Variants in FREM3 observed in about 807,000 individuals in gnomAD.
FREM3 encodes the protein FRAS1-related extracellular matrix protein 3.
In FREM3, 105 loss-of-function variants were observed where a neutral mutation model predicts 129.1. The ratio of observed to expected loss-of-function variants is 0.81; its 90% CI spans 0.69 to 0.96. The LOEUF (loss-of-function observed/expected upper bound fraction) is 0.96. Among genes scored for constraint, FREM3 ranks in the 40% least tolerant of loss-of-function variants. FREM3 has a pLI of 0.00. For synonymous variants in FREM3, 1,014 were observed against 1,044.9 expected (o/e 0.97, Z 0.57); for missense variants, 2,593 against 2,666.3 (o/e 0.97, Z 0.61).
At chr4:143,581,644 C>G (rs982370145) in intron 7 of FREM3, among the ~76,000 whole-genome samples, 4 of 152,102 alleles carry the variant, frequency 2.6e-5, no homozygotes, top group African/African-American at 9.7e-5. Context: ...AGTCTGAGGG[C>G]TTTACTCACA....
Position 143,697,612 on chromosome 4 carries a change from T to G in FREM3, c.3064A>C (p.Thr1022Pro). 1 of 1,537,760 alleles carries G rather than the reference T, an allele frequency of 6.5e-7. No individual in the cohort carries two copies. The change falls in exon 1 of 8, where the codon ACT (threonine) becomes CCT (proline). Residue 1022 changes from threonine (T) to proline (P), a missense_variant. Thr to Pro is a conservative substitution (Grantham distance 38). Transcript: ENST00000329798. ...TTTTGAAAACCAACTTCACCTGCAGTGTGGGCATAGGCTACTCTCCCATTG... is the reference window on the plus strand; with the variant it reads ...TTTTGAAAACCAACTTCACCTGCAGGGTGGGCATAGGCTACTCTCCCATTG... ...LINGRVAYAH[T>P]AGEVGFQKQH...
chr4:143,662,170 A>T (rs1272120667), intron 2 of FREM3, among the ~76,000 whole-genome samples: 1 of 151,870 alleles, frequency 6.6e-6, no homozygotes, highest in Non-Finnish European at 1.5e-5. Flanking sequence ...TAGTTCTTTA[A>T]TTGTGATGTT....
At chr4:143,686,574 G>A (rs1429007981) in intron 2 of FREM3, among the ~76,000 whole-genome samples, 1 of 152,096 alleles carries the variant, frequency 6.6e-6, no homozygotes, top group Non-Finnish European at 1.5e-5. Flanking sequence ...CATATGATAG[G>A]CCATAAAATG....
intron 2 of FREM3, among the ~76,000 whole-genome samples, chr4:143,666,899 TA>T (rs1272240629): frequency 6.6e-6 from 1 of 152,220 alleles, no homozygotes; most frequent in African/African-American, 2.4e-5. Flanking sequence ...TACCACAATG[TA>T]AAAAAATGTA....
At chr4:143,622,221 G>T (rs1346596546) in intron 4 of FREM3, among the ~76,000 whole-genome samples, 1 of 151,446 alleles carries the variant, frequency 6.6e-6, no homozygotes, top group Non-Finnish European at 1.5e-5. Context: ...AGCCTCCTGA[G>T]TAGCTGGGAT....
intron 2 of FREM3, among the ~76,000 whole-genome samples, chr4:143,636,250 G>A (rs1224862240): frequency 6.7e-6 from 1 of 150,006 alleles, no homozygotes; most frequent in Non-Finnish European, 1.5e-5. Flanking sequence ...ACCTCATACT[G>A]GGAAATGAGA....
chr4:143,700,074 C>A lies in FREM3; in HGVS notation c.602G>T (p.Gly201Val), dbSNP rs939295324. The A allele has an allele frequency of 4.1e-5, 63 of 1,527,244 alleles. No homozygotes were observed. The highest frequency in any genetic ancestry group is 5.5e-5 in the Non-Finnish European group (63 of 1,139,354). The allele number at this position is 1,527,244 out of a possible 1,614,324, so 94.6% of individuals were successfully genotyped here. The change falls in exon 1 of 8, where the codon GGA becomes GTA. Residue 201 changes from glycine (G) to valine (V), a missense_variant. By Grantham distance (109) the Gly-to-Val change is moderately radical (BLOSUM62 -3). Coordinates refer to ENST00000329798, the MANE Select transcript of FREM3 (RefSeq NM_001168235.2). ...CCGGCACCTGCGGGTGGCCGTGGCTCCAGACTTCAGGGAGGCGAAGTCCAG... is the reference window on the plus strand; with the variant it reads ...CCGGCACCTGCGGGTGGCCGTGGCTACAGACTTCAGGGAGGCGAAGTCCAG... The part of the protein sequence containing the change: ...RVLDFASLKS[G>V]ATATRRCRLT...
In FREM3 at chr4:143,585,822, A is replaced by G; in HGVS notation, c.6178+22T>C. 1 of 1,536,362 alleles carries G rather than the reference A, an allele frequency of 6.5e-7. No homozygotes were observed. Among genetic ancestry groups the G allele is most frequent in the Non-Finnish European group, 8.7e-7 (1 of 1,146,264 alleles). ...TAAACATGTATCATGATAATGATAT[A>G]TTCTTTAAGTGGCCCTCTCACCTTC... On this transcript the variant is annotated intron_variant, in intron 7 of 7. Transcript: ENST00000329798. This position sits in a 1 kb window ranked among gnomAD's most constrained non-coding sequence, Gnocchi z 4.2.
At chr4:143,643,662 G>A (rs57875562) in intron 2 of FREM3, among the ~76,000 whole-genome samples, 6,454 of 152,042 alleles carry the variant, frequency 0.042, 367 homozygotes, top group African/African-American at 0.13. Flanking sequence ...ACTGGGGAGG[G>A]CAGTTGGGAG....
chr4:143,676,536 G>C (rs1366725411), intron 2 of FREM3, among the ~76,000 whole-genome samples: 2 of 152,104 alleles, frequency 1.3e-5, no homozygotes, highest in African/African-American at 4.8e-5. Flanking sequence ...TGGAAGTTCT[G>C]GCCAGGGCAA....
chr4:143,616,803 A>AAAAAAAAAG (rs61469134), intron 5 of FREM3, among the ~76,000 whole-genome samples: 8 of 151,220 alleles, frequency 5.3e-5, no homozygotes, highest in African/African-American at 1.9e-4. Flanking sequence ...AAAAAAAAAA[A>AAAAAAAAAG]GGAAGAAAGA....
At chr4:143,592,199 G>C (rs995834726) in intron 6 of FREM3, among the ~76,000 whole-genome samples, 16 of 152,122 alleles carry the variant, frequency 1.1e-4, no homozygotes, top group Admixed American at 9.8e-4. Context: ...TATCTAATTT[G>C]CCAGTCTGTG....
In FREM3 at chr4:143,696,640, G is replaced by T; in HGVS notation, c.4036C>A (p.Leu1346Ile). ...DSDDKSLSFVLHSGPQQGLLQ... is the reference protein window; with the variant it reads ...DSDDKSLSFVIHSGPQQGLLQ... ...AGCCCTTGTTGAGGCCCAGAATGGA[G>T]GACAAAACTGAGGCTTTTATCATCT... is the stretch of plus-strand genomic sequence containing the variant. The change falls in exon 1 of 8, where the codon CTC (leucine) becomes ATC (isoleucine). Residue 1346 changes from leucine to isoleucine, a missense_variant. This residue lies in a region of FREM3 where 2,276 missense variants were observed against 2,267.2 expected (regional missense o/e 1.00). Coordinates refer to ENST00000329798, the MANE Select transcript of FREM3 (RefSeq NM_001168235.2). 2.6e-6 allele frequency: 4 copies of T among 1,537,818 alleles called. No homozygotes were observed. The highest frequency in any genetic ancestry group is 3.5e-6 in the Non-Finnish European group (4 of 1,147,044).
rs1301386828 is a variant in FREM3 at position 143,659,200 on chromosome 4, G to A, written c.5276-31440C>T. Among the ~76,000 whole-genome samples, 9 of 151,244 alleles carry A rather than the reference G, an allele frequency of 6.0e-5. No individual in the cohort carries two copies. The East Asian group carries it at 9.7e-4, about 16-fold the overall frequency. On this transcript the variant is annotated intron_variant, in intron 2 of 7. Transcript: ENST00000329798. ...GCTGGTGTGCTGCACCCATTAACTCGTCATTTAGCATTAGGTATATCTCCT... is the reference window on the plus strand; with the variant it reads ...GCTGGTGTGCTGCACCCATTAACTCATCATTTAGCATTAGGTATATCTCCT...
intron 2 of FREM3, among the ~76,000 whole-genome samples, chr4:143,638,257 C>G (rs1474583321): frequency 6.6e-6 from 1 of 152,012 alleles, no homozygotes; most frequent in African/African-American, 2.4e-5. Flanking sequence ...AGTCTCAAAG[C>G]AAGACATTAG....
At chr4:143,629,534 A>G (rs974380161) in intron 2 of FREM3, among the ~76,000 whole-genome samples, 4 of 152,186 alleles carry the variant, frequency 2.6e-5, no homozygotes, top group African/African-American at 9.6e-5. Flanking sequence ...GAAAAATACA[A>G]GACAAAAGCG....
At chr4:143,664,134 G>C (rs928747642) in intron 2 of FREM3, among the ~76,000 whole-genome samples, 2 of 152,162 alleles carry the variant, frequency 1.3e-5, no homozygotes, top group African/African-American at 4.8e-5. Flanking sequence ...GTGAGGAACT[G>C]CATTCCTTTG....
intron 2 of FREM3, among the ~76,000 whole-genome samples, chr4:143,664,966 A>G (rs1232459860): frequency 6.6e-6 from 1 of 152,068 alleles, no homozygotes; most frequent in African/African-American, 2.4e-5. Flanking sequence ...GGTGGGAGTG[A>G]CCTGATTTTC....
intron 2 of FREM3, among the ~76,000 whole-genome samples, chr4:143,674,312 A>T (rs1740062731): frequency 6.6e-6 from 1 of 152,218 alleles, no homozygotes; most frequent in Non-Finnish European, 1.5e-5. Context: ...GTGGAGGAGA[A>T]ATAAAATACT....
Sources: allele counts gnomAD v4.1 joint callset (sites outside exome capture counted in the v4.1 genomes callset), GRCh38; gene constraint gnomAD v4.1.1; regional missense constraint gnomAD v4.1.1; non-coding constraint Gnocchi (gnomAD v3.1); transcripts MANE v1.5; gene names NCBI Gene and HGNC (gene_info 2026-07-23, HGNC 2026-07-21).